PPEF1: variants seen among roughly 807,000 people sequenced by gnomAD.
The protein encoded by PPEF1 is serine/threonine-protein phosphatase with EF-hands 1.
PPEF1 carries 12 observed loss-of-function variants against 53.3 expected under a neutral mutation model. The ratio of observed to expected loss-of-function variants is 0.23; its 90% CI spans 0.14 to 0.36. PPEF1 has a LOEUF of 0.36. Among genes scored for constraint, PPEF1 ranks in the 10% least tolerant of loss-of-function variants. The pLI is 1.00. For missense variants in PPEF1, 334 were observed against 490.4 expected (o/e 0.68, Z 3.01); for synonymous variants, 165 against 176.7 (o/e 0.93, Z 0.52).
chrX:18,726,314 C>G lies in PPEF1; in HGVS notation c.47-3867C>G, dbSNP rs2044703775. On this transcript the variant is annotated intron_variant, in intron 1 of 15. Transcript: ENST00000470157. ...GTTGCAGTGAGCCGAGATCGTGGCT[C>G]TGCACTCCAGCCTGGGCTACAGACG... Among the ~76,000 whole-genome samples the G allele has an allele frequency of 1.8e-5, 2 of 109,859 alleles. 1 individual carries two copies. Among genetic ancestry groups the G allele is most frequent in the South Asian group, 7.6e-4 (2 of 2,617 alleles).
At chrX:18,737,090 T>C (rs941759230) in intron 3 of PPEF1, among the ~76,000 whole-genome samples, 4 of 111,899 alleles carry the variant, frequency 3.6e-5, no homozygotes, top group Non-Finnish European at 5.6e-5. Context: ...TCTGGATTCA[T>C]TGATTTTTTG....
Position 18,827,825 on chromosome X carries a change from A to G in PPEF1, c.*338A>G. On this transcript the variant is annotated 3_prime_UTR_variant, in exon 16 of 16. Coordinates refer to ENST00000470157, the MANE Select transcript of PPEF1 (RefSeq NM_001377996.1). ...TCCTGAAAGGAACTCATACAGCACA[A>G]GAGAAAACTACTAAGCTTGACATCT... 6.1e-6 allele frequency: 1 copy of G among 164,204 alleles called. No individual in the cohort carries two copies. The highest frequency in any genetic ancestry group is 1.2e-5 in the Non-Finnish European group (1 of 86,025). 13.5% of individuals were successfully genotyped at this position (164,204 alleles called of 1,213,427 possible).
chrX:18,795,497 C>T (rs1253990774), intron 10 of PPEF1, among the ~76,000 whole-genome samples: 5 of 111,994 alleles, frequency 4.5e-5, no homozygotes, highest in Non-Finnish European at 9.4e-5. Context: ...CCAGAGCTGC[C>T]TGTCTGGAGT....
chrX:18,708,480 TAG>T (rs952051952), intron 1 of PPEF1, among the ~76,000 whole-genome samples: 1 of 112,312 alleles, frequency 8.9e-6, no homozygotes, highest in Non-Finnish European at 1.9e-5. Context: ...ATTTAAGGGA[TAG>T]AGTTTCCAAC....
intron 2 of PPEF1, among the ~76,000 whole-genome samples, chrX:18,731,754 G>C (rs2044842406): frequency 8.9e-6 from 1 of 111,912 alleles, no homozygotes; most frequent in African/African-American, 3.3e-5. Flanking sequence ...CCCATTAGCA[G>C]TCATTTCCCC....
At chrX:18,811,599 A>ATG (rs2046804827) in intron 12 of PPEF1, among the ~76,000 whole-genome samples, 1 of 22,458 alleles carries the variant, frequency 4.5e-5, no homozygotes, top group Non-Finnish European at 1.0e-4. Flanking sequence ...ATATATATAT[A>ATG]TATATATATA....
In PPEF1 at chrX:18,803,915, T is replaced by C. The variant is rs1420825840; in HGVS notation, c.1089T>C (p.Asp363=). 8.3e-7 allele frequency: 1 copy of C among 1,207,405 alleles called. No homozygotes were observed. The highest frequency in any genetic ancestry group is 1.7e-5 in the African/African-American group (1 of 57,171). ...AGATTATTGATATTCTGTGGAGTGA[T>C]CCCAGAGGCAAAAATGGCTGTTTTC... ...WEQIIDILWS[D]PRGKNGCFPN... is the part of the protein sequence containing the mutation. The change falls in exon 11 of 16, where the codon GAT becomes GAC. Residue 363 remains aspartate, a synonymous_variant. Coordinates refer to ENST00000470157, the MANE Select transcript of PPEF1 (RefSeq NM_001377996.1).
intron 5 of PPEF1, among the ~76,000 whole-genome samples, chrX:18,758,465 C>T (rs1395218924): frequency 8.9e-6 from 1 of 111,869 alleles, no homozygotes; most frequent in Non-Finnish European, 1.9e-5. Context: ...CTTATTCTGG[C>T]AGGTAGAAGT....
chrX:18,733,910 A>G (rs1301031841), intron 3 of PPEF1, 102 bp downstream of exon 3: 2 of 662,953 alleles, frequency 3.0e-6, no homozygotes, highest in African/African-American at 4.6e-5. Flanking sequence ...TGAAATTAAA[A>G]AGATGCCTAC....
At chrX:18,797,165 A>G (rs191273407) in intron 10 of PPEF1, among the ~76,000 whole-genome samples, 276 of 112,363 alleles carry the variant, frequency 2.5e-3, no homozygotes, top group African/African-American at 8.7e-3. Context: ...AGTTCCTGGT[A>G]CATAGTGGAT....
At chrX:18,707,587 CT>C (rs1464892975), upstream of PPEF1, 1 of 406,823 alleles carries the variant, frequency 2.5e-6, no homozygotes, top group Non-Finnish European at 4.3e-6. Flanking sequence ...ATGAATCCTG[CT>C]GAGCAGCCCC....
In PPEF1 at chrX:18,707,800, C is replaced by T. The variant is rs775115201; in HGVS notation, c.20C>T (p.Ser7Leu). 2 of 1,208,844 alleles carry T rather than the reference C, an allele frequency of 1.7e-6. No individual in the cohort carries two copies. Among genetic ancestry groups the T allele is most frequent in the Non-Finnish European group, 2.2e-6 (2 of 893,065 alleles). ...GAAGTCATGGGATGCAGCAGTTCTT[C>T]AACGAAAACCAGGAGATCTGACACA... MGCSSS[S>L]TKTRRSDTSL... Residue 7 changes from serine (S) to leucine (L), a missense_variant, in exon 1 of 16, where the codon TCA becomes TTA. Coordinates refer to ENST00000470157, the MANE Select transcript of PPEF1 (RefSeq NM_001377996.1).
intron 6 of PPEF1, among the ~76,000 whole-genome samples, chrX:18,767,048 GTC>G (rs1288802709): frequency 9.0e-6 from 1 of 110,545 alleles, no homozygotes; most frequent in Non-Finnish European, 1.9e-5. Flanking sequence ...GCAAAACTCT[GTC>G]TCAGAAAAAA....
At chrX:18,822,950 A>G (rs1391435160) in intron 13 of PPEF1, among the ~76,000 whole-genome samples, 1 of 111,766 alleles carries the variant, frequency 8.9e-6, no homozygotes, top group East Asian at 2.8e-4. Flanking sequence ...GTTCCTGAAG[A>G]AAAAGAACAA....
upstream of PPEF1, among the ~76,000 whole-genome samples, chrX:18,704,155 G>A (rs907900245): frequency 9.1e-6 from 1 of 109,662 alleles, no homozygotes; most frequent in Non-Finnish European, 1.9e-5. Context: ...CGAACTCCTG[G>A]GCTCAAAGGA....
At chrX:18,803,726 G>C (rs1185681492) in intron 10 of PPEF1, among the ~76,000 whole-genome samples, 166 bp from the exon 11 acceptor site, 1 of 112,136 alleles carries the variant, frequency 8.9e-6, no homozygotes, top group East Asian at 2.8e-4. Flanking sequence ...CAAAGTGCTG[G>C]GATCACAGGC....
intron 3 of PPEF1, among the ~76,000 whole-genome samples, chrX:18,745,571 T>C (rs981206752): frequency 9.0e-6 from 1 of 111,138 alleles, no homozygotes; most frequent in African/African-American, 3.3e-5. Flanking sequence ...TATTTTTATA[T>C]CTTTCTATAC....
At chrX:18,682,763 A>T (rs931872779), upstream of PPEF1, among the ~76,000 whole-genome samples, 1 of 111,566 alleles carries the variant, frequency 9.0e-6, no homozygotes, top group Non-Finnish European at 1.9e-5. Flanking sequence ...GATGCCTGAA[A>T]GTTTTGGTTG....
Position 18,789,350 on chromosome X carries a change from A to G in PPEF1, c.1065+77A>G, listed in dbSNP as rs1482088122. The G allele has an allele frequency of 2.0e-5, 20 of 994,831 alleles. No homozygotes were observed. In the Admixed American group the frequency reaches 5.4e-4, roughly 27 times the overall value. The allele number at this position is 994,831 out of a possible 1,213,427, so 82.0% of individuals were successfully genotyped here. On this transcript the variant is annotated intron_variant, in intron 10 of 15. Transcript: ENST00000470157. ...GTTGTCCCTTACAATATATAGATAAAAAGTGACTTTACCTTTACGAGGAGA... is the reference window on the plus strand; with the variant it reads ...GTTGTCCCTTACAATATATAGATAAGAAGTGACTTTACCTTTACGAGGAGA...
Sources: gnomAD v4.1 joint callset for allele counts (sites outside exome capture counted in the v4.1 genomes callset) on GRCh38, gnomAD v4.1.1 for gene constraint, MANE v1.5 for transcripts, NCBI Gene and HGNC (gene_info 2026-07-23, HGNC 2026-07-21) for gene names.